The following TUT4 variants were observed in gnomAD, a reference collection of about 807,000 sequenced individuals.
TUT4 encodes the protein terminal uridylyltransferase 4.
Under a neutral mutation model 192.2 loss-of-function variants are expected in TUT4, and 36 were observed. That is an observed-to-expected ratio of 0.19 (90% CI 0.14 to 0.25). TUT4 has a LOEUF of 0.25. Ranked by LOEUF, TUT4 falls within the 10% of genes least tolerant of loss-of-function variation. The pLI, the probability that TUT4 is intolerant of heterozygous loss-of-function variation, is 1.00. For synonymous variants in TUT4, 618 were observed against 666.0 expected (o/e 0.93, Z 1.11); for missense variants, 1,493 against 1,957.2 (o/e 0.76, Z 4.47).
At chr1:52,534,312 A>G (rs1684317472) in intron 1 of TUT4, among the ~76,000 whole-genome samples, 1 of 152,150 alleles carries the variant, frequency 6.6e-6, no homozygotes, top group African/African-American at 2.4e-5. Context: ...AACCAGTTGA[A>G]AGTATAAGCC....
At chr1:52,492,354 GCT>G (rs993661520) in intron 7 of TUT4, among the ~76,000 whole-genome samples, 30 of 151,946 alleles carry the variant, frequency 2.0e-4, no homozygotes, top group African/African-American at 7.3e-4. Context: ...TTAAAAAAAA[GCT>G]CTCTCTTCTA....
At chr1:52,489,479 G>A (rs1035178501) in intron 8 of TUT4, among the ~76,000 whole-genome samples, 3 of 152,122 alleles carry the variant, frequency 2.0e-5, no homozygotes, top group East Asian at 1.9e-4. Context: ...TATACTTCTT[G>A]ACTCTAATTT....
At chr1:52,467,356 C>T (rs1664509326) in intron 15 of TUT4, among the ~76,000 whole-genome samples, 1 of 152,178 alleles carries the variant, frequency 6.6e-6, no homozygotes, top group South Asian at 2.1e-4. Context: ...CTGCTCTTTG[C>T]CATCTCAGTT....
At chr1:52,492,434 G>C (rs376215399) in intron 7 of TUT4, among the ~76,000 whole-genome samples, 3 of 152,158 alleles carry the variant, frequency 2.0e-5, no homozygotes, top group African/African-American at 4.8e-5. Flanking sequence ...CAGCAAAAAC[G>C]TAATAAGAAG....
At chr1:52,498,393 G>A (rs988856141) in intron 4 of TUT4, among the ~76,000 whole-genome samples, 17 of 151,774 alleles carry the variant, frequency 1.1e-4, no homozygotes, top group African/African-American at 2.9e-4. Flanking sequence ...ACAGGCACCC[G>A]CCACCTCGCC....
intron 28 of TUT4, among the ~76,000 whole-genome samples, chr1:52,429,942 G>A (rs568354010): frequency 4.8e-5 from 7 of 144,774 alleles, no homozygotes; most frequent in African/African-American, 2.0e-4. Context: ...GTGTATATAT[G>A]TGTGTGTGTG....
rs1657504243 is a variant in TUT4 at position 52,446,304 on chromosome 1, A to G, written c.3652T>C (p.Phe1218Leu). 1.9e-6 allele frequency: 3 copies of G among 1,613,598 alleles called. No individual in the cohort carries two copies. The highest frequency in any genetic ancestry group is 2.5e-6 in the Non-Finnish European group (3 of 1,179,808). ...SIRQKKLLTT[F>L]EKQWTSKCIA... Reference sequence around the variant, plus strand: ...CACTTGGAAGTCCACTGCTTCTCAAAAGTTGTCAACAGCTTTTTCTGCCGA... The same window carrying G: ...CACTTGGAAGTCCACTGCTTCTCAAGAGTTGTCAACAGCTTTTTCTGCCGA... Residue 1218 changes from phenylalanine to leucine, a missense_variant, in exon 22 of 30, where the codon TTT (phenylalanine) becomes CTT (leucine). Around this residue, in one of 7 missense-constraint regions of TUT4, gnomAD observed 141 missense variants for 382.7 expected, o/e 0.37. Coordinates refer to ENST00000257177, the MANE Select transcript of TUT4 (RefSeq NM_001009881.3).
intron 1 of TUT4, among the ~76,000 whole-genome samples, chr1:52,543,184 A>G (rs931011906): frequency 2.0e-5 from 3 of 152,250 alleles, no homozygotes; most frequent in African/African-American, 4.8e-5. Flanking sequence ...ATATGATTTT[A>G]TATGTAGAAA....
In TUT4 at chr1:52,431,131, G is replaced by A; in HGVS notation, c.4593C>T (p.Ile1531=). ...PSNIGLNDPS[I]IFAQPAARPV... ...GTCTGGCAGCAGGCTGTGCAAAGATGATGCTGGGATCATTTAGGCCAATAT... is the reference window on the plus strand; with the variant it reads ...GTCTGGCAGCAGGCTGTGCAAAGATAATGCTGGGATCATTTAGGCCAATAT... The change falls in exon 28 of 30, where the codon ATC becomes ATT. Residue 1531 remains isoleucine, a synonymous_variant. Coordinates refer to ENST00000257177, the MANE Select transcript of TUT4 (RefSeq NM_001009881.3). 1 of 1,614,252 alleles carries A rather than the reference G, an allele frequency of 6.2e-7. No homozygotes were observed. Among genetic ancestry groups the A allele is most frequent in the Non-Finnish European group, 8.5e-7 (1 of 1,180,042 alleles).
At position 52,490,791 on chromosome 1, in the gene TUT4, T is replaced by G. The variant is rs1350919549; in HGVS notation, c.1329A>C (p.Val443=). 1.9e-6 allele frequency: 3 copies of G among 1,611,044 alleles called. No individual in the cohort carries two copies. Among genetic ancestry groups the G allele is most frequent in the Non-Finnish European group, 2.5e-6 (3 of 1,178,670 alleles). The change falls in exon 8 of 30, where the codon GTA becomes GTC. Residue 443 remains valine, a synonymous_variant. Coordinates refer to ENST00000257177, the MANE Select transcript of TUT4 (RefSeq NM_001009881.3). The part of the protein sequence containing the change: ...LGILKKNVLY[V]DVESDFHAKV... ...TAGCGTGAAAATCAGATTCCACATC[T>G]ACATATAATACTAATAAGGAAAAAA... is the stretch of plus-strand genomic sequence containing the variant.
chr1:52,533,955 G>A (rs554641958), intron 1 of TUT4, among the ~76,000 whole-genome samples: 4 of 152,200 alleles, frequency 2.6e-5, no homozygotes, highest in South Asian at 4.2e-4. Context: ...AACAGTGTGC[G>A]ACTCAGTCTC....
chr1:52,472,885 C>T (rs1378713071), intron 13 of TUT4, among the ~76,000 whole-genome samples: 1 of 152,054 alleles, frequency 6.6e-6, no homozygotes, highest in Admixed American at 6.5e-5. Flanking sequence ...CAATGTTAGC[C>T]TGGACATTTA....
In TUT4 at chr1:52,446,013, G is replaced by A; in HGVS notation, c.3692-9C>T. ...ATTCAAGTCAAAAGGGTCTACAAAA[G>A]AAATATATCAATGATTAAGAATTAC... On this transcript the variant is annotated splice_polypyrimidine_tract_variant and intron_variant, in intron 22 of 29. Transcript: ENST00000257177. The A allele has an allele frequency of 6.3e-7, 1 of 1,596,192 alleles. No individual in the cohort carries two copies.
chr1:52,514,431 ACT>A (rs895796826), intron 3 of TUT4, among the ~76,000 whole-genome samples: 15 of 152,126 alleles, frequency 9.9e-5, no homozygotes, highest in African/African-American at 1.4e-4. Flanking sequence ...ACAGAGCGAG[ACT>A]CTGTCTCAAA....
In TUT4 at chr1:52,525,716, T is replaced by A. The variant is rs568937540; in HGVS notation, c.565A>T (p.Thr189Ser). The change falls in exon 2 of 30, where the codon ACT becomes TCT. Residue 189 changes from threonine (T) to serine (S), a missense_variant. Thr to Ser is a moderately conservative substitution (Grantham distance 58, BLOSUM62 1). Coordinates refer to ENST00000257177, the MANE Select transcript of TUT4 (RefSeq NM_001009881.3). Reference protein sequence around the residue: ...QIGKKIPSSFTSVDKVNIEAV... With the variant: ...QIGKKIPSSFSSVDKVNIEAV... ...TCAATATTCACTTTGTCCACAGAAG[T>A]AAAGGAGCTTGGAATTTTTTTTCCA... 3.9e-4 allele frequency: 633 copies of A among 1,614,166 alleles called. 9 individuals carry two copies. In the South Asian group the frequency reaches 6.7e-3, roughly 17 times the overall value.
At chr1:52,426,253 A>G (rs975987888) in intron 28 of TUT4, among the ~76,000 whole-genome samples, 1 of 148,004 alleles carries the variant, frequency 6.8e-6, no homozygotes, top group South Asian at 2.1e-4. Context: ...ACCTCAGATT[A>G]TGAGGTTTAA....
At chr1:52,525,483 C>T in intron 2 of TUT4, 80 bp downstream of exon 2, 2 of 1,497,664 alleles carry the variant, frequency 1.3e-6, no homozygotes, top group South Asian at 1.4e-5. Context: ...ATAAACATGA[C>T]TTTTTGTAAT....
At chr1:52,436,136 A>G (rs1457592238) in intron 26 of TUT4, among the ~76,000 whole-genome samples, 5 of 152,322 alleles carry the variant, frequency 3.3e-5, no homozygotes, top group African/African-American at 1.2e-4. Context: ...GTTTCTAGGA[A>G]AAAAGTCTCT....
chr1:52,484,387 T>A (rs1419274616), intron 9 of TUT4, among the ~76,000 whole-genome samples: 1 of 149,912 alleles, frequency 6.7e-6, no homozygotes, highest in Non-Finnish European at 1.5e-5. Flanking sequence ...TAGATACAAA[T>A]AACACACAGT....
Sources: gnomAD v4.1 joint callset for allele counts (sites outside exome capture counted in the v4.1 genomes callset) on GRCh38, gnomAD v4.1.1 for gene constraint, gnomAD v4.1.1 regional missense constraint, MANE v1.5 for transcripts, NCBI Gene and HGNC (gene_info 2026-07-23, HGNC 2026-07-21) for gene names.